Variants in MCPH1 observed in about 807,000 individuals in gnomAD.
MCPH1 encodes the protein microcephalin.
Under a neutral mutation model 84.5 loss-of-function variants are expected in MCPH1, and 104 were observed. That is an observed-to-expected ratio of 1.23 (90% CI 1.05 to 1.45). The LOEUF is 1.45. Among genes scored for constraint, MCPH1 ranks in the 40% most tolerant of loss-of-function variants. The pLI, the probability that MCPH1 is intolerant of heterozygous loss-of-function variation, is 0.00. For missense variants in MCPH1, 1,498 were observed against 1,005.7 expected (o/e 1.49, Z -6.62); for synonymous variants, 514 against 366.8 (o/e 1.40, Z -4.58).
In MCPH1 at chr8:6,409,212, C is replaced by G. The variant is rs923211709; in HGVS notation, c.23-67C>G. 2.2e-6 allele frequency: 3 copies of G among 1,336,896 alleles called. No homozygotes were observed. The Admixed American group carries it at 5.1e-5, about 23-fold the overall frequency. The allele number at this position is 1,336,896 out of a possible 1,614,324, so 82.8% of individuals were successfully genotyped here. A position where few individuals can be genotyped will look rare whatever the true frequency, so the allele number is the denominator to read the frequency against. Reference sequence around the variant, plus strand: ...GGTTTACTCTTAAATGTAAATAGAACAAAATCTATTGGGCAGGGGATGCTG... The same window carrying G: ...GGTTTACTCTTAAATGTAAATAGAAGAAAATCTATTGGGCAGGGGATGCTG... On this transcript the variant is annotated intron_variant, in intron 1 of 13. Coordinates refer to ENST00000344683, the MANE Select transcript of MCPH1 (RefSeq NM_024596.5).
intron 3 of MCPH1, among the ~76,000 whole-genome samples, chr8:6,428,453 C>T (rs1441878712): frequency 3.3e-5 from 5 of 152,074 alleles, no homozygotes; most frequent in African/African-American, 7.2e-5. Flanking sequence ...GTTGTGCAAC[C>T]GTCACCACAA....
At chr8:6,529,331 A>C (rs1208609477) in intron 12 of MCPH1, among the ~76,000 whole-genome samples, 2 of 152,210 alleles carry the variant, frequency 1.3e-5, no homozygotes, top group Non-Finnish European at 2.9e-5. Context: ...TTCTAATCAG[A>C]AATTTTCAGA....
chr8:6,617,900 A>ATCT (rs1554480975), intron 12 of MCPH1, among the ~76,000 whole-genome samples: 88 of 143,128 alleles, frequency 6.1e-4, no homozygotes, highest in African/African-American at 1.3e-3. Context: ...CTATCTATCT[A>ATCT]ATCTATCTAT....
chr8:6,539,794 T>A (rs1051418645), intron 12 of MCPH1, among the ~76,000 whole-genome samples: 10 of 152,042 alleles, frequency 6.6e-5, no homozygotes, highest in Non-Finnish European at 1.3e-4. Context: ...GCCATGTTGG[T>A]CAGGCTGGTC....
chr8:6,512,367 C>T (rs1170380739), intron 12 of MCPH1, among the ~76,000 whole-genome samples: 1 of 152,122 alleles, frequency 6.6e-6, no homozygotes, highest in Non-Finnish European at 1.5e-5. Flanking sequence ...CTGTTCAGGT[C>T]GTGGAGCGGA....
chr8:6,627,184 C>T (rs939475852), intron 13 of MCPH1: 73 of 985,384 alleles, frequency 7.4e-5, no homozygotes, highest in East Asian at 4.5e-4. Context: ...TGGGGCCACT[C>T]GGGAGGCCTC....
intron 8 of MCPH1, among the ~76,000 whole-genome samples, chr8:6,451,751 T>C (rs1805114927): frequency 6.6e-6 from 1 of 152,224 alleles, no homozygotes; most frequent in African/African-American, 2.4e-5. Context: ...ATATTTTGCA[T>C]ACTACATTGT....
At chr8:6,446,346 C>G (rs1316142865) in intron 8 of MCPH1, 2 of 984,744 alleles carry the variant, frequency 2.0e-6, no homozygotes, top group East Asian at 1.1e-4. Context: ...AACGCATTCT[C>G]TCTGCATGAT....
At chr8:6,443,039 T>C (rs1401306529) in intron 7 of MCPH1, among the ~76,000 whole-genome samples, 2 of 152,216 alleles carry the variant, frequency 1.3e-5, no homozygotes, top group Admixed American at 6.5e-5. Context: ...ATAGCTAACA[T>C]TGATTTCATT....
intron 13 of MCPH1, among the ~76,000 whole-genome samples, chr8:6,631,218 A>C (rs1797135322): frequency 6.6e-6 from 1 of 152,248 alleles, no homozygotes; most frequent in Non-Finnish European, 1.5e-5. Context: ...TCATACCTGA[A>C]GGATTGATCC....
At chr8:6,626,982 G>GC (rs961287877) in intron 13 of MCPH1, 1 of 967,774 alleles carries the variant, frequency 1.0e-6, no homozygotes, top group Non-Finnish European at 1.2e-6. Context: ...CAACAGCATT[G>GC]CCAAAAAAAA....
chr8:6,588,425 A>G (rs10109489), intron 12 of MCPH1, among the ~76,000 whole-genome samples: 30,658 of 151,840 alleles, frequency 0.2, 3,227 homozygotes, highest in South Asian at 0.31. Context: ...AATGTACTTT[A>G]TGATTGCGAG....
At chr8:6,495,803 A>G (rs1451546393) in intron 11 of MCPH1, among the ~76,000 whole-genome samples, 5 of 152,218 alleles carry the variant, frequency 3.3e-5, no homozygotes, top group South Asian at 2.1e-4. Flanking sequence ...CTAAAGTATC[A>G]TCCAGTAAAG....
intron 13 of MCPH1, among the ~76,000 whole-genome samples, chr8:6,633,635 C>A (rs1253301640): frequency 6.6e-6 from 1 of 152,140 alleles, no homozygotes; most frequent in Non-Finnish European, 1.5e-5. Context: ...ACCCAGCCCC[C>A]TTCAACTATA....
intron 3 of MCPH1, among the ~76,000 whole-genome samples, chr8:6,425,774 A>G (rs1252149586): frequency 6.6e-6 from 1 of 152,182 alleles, no homozygotes; most frequent in Non-Finnish European, 1.5e-5. Flanking sequence ...GTGTTGTGCA[A>G]TAGGAGGCAA....
At chr8:6,436,244 G>A in intron 5 of MCPH1, 82 bp downstream of exon 5, 1 of 1,388,322 alleles carries the variant, frequency 7.2e-7, no homozygotes. Flanking sequence ...GTGGGGTTCA[G>A]CATGAGAGAG....
chr8:6,477,578 TG>T lies in MCPH1; in HGVS notation c.1936-15del. 1 of 1,611,002 alleles carries T rather than the reference TG, an allele frequency of 6.2e-7. No individual in the cohort carries two copies. Among genetic ancestry groups the T allele is most frequent in the Non-Finnish European group, 8.5e-7 (1 of 1,177,838 alleles). The stretch of plus-strand genomic sequence containing the variant: ...TTTTTGACTGTTTTTTGTTCCTTCT[TG>T]TTTGAAATCTCTAGCCAACAAGAAC... On this transcript the variant is annotated splice_polypyrimidine_tract_variant and intron_variant, in intron 9 of 13. Coordinates refer to ENST00000344683, the MANE Select transcript of MCPH1 (RefSeq NM_024596.5).
At chr8:6,506,919 C>T (rs548825450) in intron 12 of MCPH1, among the ~76,000 whole-genome samples, 1 of 150,106 alleles carries the variant, frequency 6.7e-6, no homozygotes, top group Admixed American at 6.6e-5. Flanking sequence ...TTTTTTGAGA[C>T]GGAGTCTCAC....
intron 12 of MCPH1, among the ~76,000 whole-genome samples, chr8:6,617,998 C>T (rs988550446): frequency 1.3e-5 from 2 of 151,830 alleles, no homozygotes; most frequent in Admixed American, 6.6e-5. Flanking sequence ...TCTCAAACTC[C>T]TGGGCTTAAG....
Sources: allele counts gnomAD v4.1 joint callset (sites outside exome capture counted in the v4.1 genomes callset), GRCh38; gene constraint gnomAD v4.1.1; transcripts MANE v1.5; gene names NCBI Gene and HGNC (gene_info 2026-07-23, HGNC 2026-07-21).